The following KCNIP4 variants were observed in gnomAD, a reference collection of about 807,000 sequenced individuals.
The protein encoded by KCNIP4 is potassium voltage-gated channel interacting protein 4, also known as Kv channel-interacting protein 4.
Under a neutral mutation model 34.0 loss-of-function variants are expected in KCNIP4, and 12 were observed. The ratio of observed to expected loss-of-function variants is 0.35; its 90% CI spans 0.23 to 0.57. The LOEUF (loss-of-function observed/expected upper bound fraction) is 0.57, where lower values mean the gene tolerates loss of function less well. Ranked by LOEUF, KCNIP4 falls within the 20% of genes least tolerant of loss-of-function variation. KCNIP4 has a pLI of 0.83. For synonymous variants in KCNIP4, 124 were observed against 102.2 expected, an observed-to-expected ratio of 1.21 and a Z score of -1.29; for missense variants, 238 against 311.7, an observed-to-expected ratio of 0.76 and a Z score of 1.78.
intron 3 of KCNIP4, among the ~76,000 whole-genome samples, chr4:20,816,939 A>G (rs1275029572): frequency 2.6e-5 from 4 of 152,230 alleles, no homozygotes; most frequent in Non-Finnish European, 5.9e-5. Flanking sequence ...TTTTATACAG[A>G]AACAAAAATT....
At chr4:21,305,082 A>C (rs1206914693) in intron 1 of KCNIP4, among the ~76,000 whole-genome samples, 1 of 152,164 alleles carries the variant, frequency 6.6e-6, no homozygotes, top group Non-Finnish European at 1.5e-5. Flanking sequence ...CCACAATGAA[A>C]TACAGAATTT....
intron 1 of KCNIP4, among the ~76,000 whole-genome samples, chr4:21,199,537 T>C (rs1756314701): frequency 1.3e-5 from 2 of 152,194 alleles, no homozygotes; most frequent in Admixed American, 6.5e-5. Context: ...ATTCTGATGG[T>C]AGTTTCTTTT....
At chr4:21,134,410 A>T (rs1282988294) in intron 1 of KCNIP4, among the ~76,000 whole-genome samples, 1 of 152,190 alleles carries the variant, frequency 6.6e-6, no homozygotes, top group Non-Finnish European at 1.5e-5. Context: ...ATACATGTTG[A>T]TTTACTATGT....
At chr4:20,975,657 G>C (rs1735415199) in intron 1 of KCNIP4, among the ~76,000 whole-genome samples, 1 of 152,078 alleles carries the variant, frequency 6.6e-6, no homozygotes, top group Non-Finnish European at 1.5e-5. Flanking sequence ...GTACAGAAGG[G>C]ATAGAAAAAC....
intron 1 of KCNIP4, among the ~76,000 whole-genome samples, chr4:21,559,309 A>T (rs1167991969): frequency 6.6e-6 from 1 of 152,160 alleles, no homozygotes; most frequent in Non-Finnish European, 1.5e-5. Flanking sequence ...TACAATTTGA[A>T]TGAGGACACT....
chr4:21,794,439 T>C (rs918655291), intron 1 of KCNIP4, among the ~76,000 whole-genome samples: 3 of 152,154 alleles, frequency 2.0e-5, no homozygotes, highest in Admixed American at 6.5e-5. Flanking sequence ...ATATACCTGG[T>C]AGACAGCGTG....
chr4:21,866,921 G>A (rs564281554), intron 1 of KCNIP4, among the ~76,000 whole-genome samples: 22 of 151,842 alleles, frequency 1.4e-4, no homozygotes, highest in African/African-American at 4.6e-4. Flanking sequence ...ACAGGTGCCC[G>A]CCACCATGCT....
At chr4:21,634,223 CAAAAAAAAAAA>C (rs376741978) in intron 1 of KCNIP4, among the ~76,000 whole-genome samples, 1 of 112,520 alleles carries the variant, frequency 8.9e-6, no homozygotes, top group Non-Finnish European at 1.8e-5. Flanking sequence ...GTTCTTTCCT[CAAAAAAAAAAA>C]AAAAAAAAAA....
intron 1 of KCNIP4, among the ~76,000 whole-genome samples, chr4:21,678,278 T>G (rs551371745): frequency 6.6e-6 from 1 of 150,738 alleles, no homozygotes; most frequent in Non-Finnish European, 1.5e-5. Context: ...TTTATATAAT[T>G]TCCAAGTGTC....
At chr4:21,601,291 T>C (rs761613031) in intron 1 of KCNIP4, among the ~76,000 whole-genome samples, 2 of 152,078 alleles carry the variant, frequency 1.3e-5, no homozygotes, top group East Asian at 1.9e-4. Context: ...TCAACATCCA[T>C]GCAATTAAAA....
In KCNIP4 at chr4:21,056,030, G is replaced by A. The variant is rs148394410; in HGVS notation, c.62-173321C>T. ...AGACGTAAATAAGAGGAGAGGCTGT[G>A]TGTCGGGGTGGGTAGGGAACATATG... is the stretch of plus-strand genomic sequence containing the variant. On this transcript the variant is annotated intron_variant, in intron 1 of 8. Coordinates refer to ENST00000382152, the MANE Select transcript of KCNIP4 (RefSeq NM_025221.6). Among the ~76,000 whole-genome samples the A allele has an allele frequency of 3.1e-3, 466 of 152,250 alleles. 2 individuals are homozygous for A. Among genetic ancestry groups the A allele is most frequent in the African/African-American group, 0.011 (449 of 41,556 alleles).
At chr4:20,892,276 T>C (rs1328426854) in intron 1 of KCNIP4, among the ~76,000 whole-genome samples, 1 of 152,188 alleles carries the variant, frequency 6.6e-6, no homozygotes, top group African/African-American at 2.4e-5. Context: ...ATCTACAGAT[T>C]CCAAATGCAA....
chr4:21,714,519 G>T (rs1043918619), intron 1 of KCNIP4, among the ~76,000 whole-genome samples: 2 of 141,016 alleles, frequency 1.4e-5, no homozygotes, highest in African/African-American at 2.6e-5. Context: ...GAAGAAAGAG[G>T]AAAGGAGAAG....
chr4:20,809,786 G>A (rs1715499311), intron 3 of KCNIP4, among the ~76,000 whole-genome samples: 1 of 152,136 alleles, frequency 6.6e-6, no homozygotes, highest in Admixed American at 6.5e-5. Context: ...AGTTTGGCTT[G>A]CCCCATGGAG....
chr4:21,061,159 A>C (rs900859738), intron 1 of KCNIP4, among the ~76,000 whole-genome samples: 3 of 152,186 alleles, frequency 2.0e-5, no homozygotes, highest in African/African-American at 7.2e-5. Flanking sequence ...CCATTCTCTT[A>C]AAGATTAACA....
chr4:21,541,557 A>AC (rs1175983271), intron 1 of KCNIP4, among the ~76,000 whole-genome samples: 1 of 152,126 alleles, frequency 6.6e-6, no homozygotes, highest in East Asian at 1.9e-4. Context: ...TAGGCTTCAG[A>AC]CCCCTCCACT....
chr4:20,901,202 T>TA (rs2149552092), intron 1 of KCNIP4, among the ~76,000 whole-genome samples: 1 of 152,332 alleles, frequency 6.6e-6, no homozygotes, highest in East Asian at 1.9e-4. Flanking sequence ...TCCTATGAGA[T>TA]AAGCATGAAA....
intron 1 of KCNIP4, among the ~76,000 whole-genome samples, chr4:21,260,644 A>G (rs1761411011): frequency 6.6e-6 from 1 of 152,212 alleles, no homozygotes. Context: ...TCTGATGTCC[A>G]TAGTAGACAG....
At chr4:20,858,121 G>C (rs1721804033) in intron 2 of KCNIP4, among the ~76,000 whole-genome samples, 1 of 141,436 alleles carries the variant, frequency 7.1e-6, no homozygotes, top group Admixed American at 7.8e-5. Flanking sequence ...TGAGGCAGAA[G>C]AATTGCTTGA....
Sources: allele counts gnomAD v4.1 joint callset (sites outside exome capture counted in the v4.1 genomes callset), GRCh38; gene constraint gnomAD v4.1.1; transcripts MANE v1.5; gene names NCBI Gene and HGNC (gene_info 2026-07-23, HGNC 2026-07-21).